The following STYX variants were observed in gnomAD, a reference collection of about 807,000 sequenced individuals.
The protein encoded by STYX is serine/threonine/tyrosine interacting protein, also known as serine/threonine/tyrosine-interacting protein.
STYX carries 20 observed loss-of-function variants against 42.7 expected under a neutral mutation model. That is an observed-to-expected ratio of 0.47 (90% confidence interval 0.33 to 0.68). The LOEUF (loss-of-function observed/expected upper bound fraction) is 0.68. Ranked by LOEUF, STYX falls within the 30% of genes least tolerant of loss-of-function variation. The pLI is 0.02. For synonymous variants in STYX, 78 were observed against 81.9 expected (o/e 0.95, Z 0.26); for missense variants, 226 against 268.5 (o/e 0.84, Z 1.11).
At chr14:52,735,333 C>A (rs1165555100) in intron 1 of STYX, among the ~76,000 whole-genome samples, 1 of 152,122 alleles carries the variant, frequency 6.6e-6, no homozygotes, top group Non-Finnish European at 1.5e-5. Context: ...CAATTTAATT[C>A]ATGTTCCCAC....
intron 9 of STYX, 21 bp from the exon 10 acceptor site, chr14:52,768,819 A>C: frequency 2.0e-6 from 3 of 1,489,514 alleles, no homozygotes; most frequent in South Asian, 1.3e-5. Context: ...AATTAAGTTA[A>C]TTAACTTATT....
chr14:52,730,283 C>T lies in STYX; in HGVS notation c.-192C>T, dbSNP rs980530554. 2 of 609,928 alleles carry T rather than the reference C, an allele frequency of 3.3e-6. No homozygotes were observed. The highest frequency in any genetic ancestry group is 1.9e-5 in the African/African-American group (1 of 53,636). 37.8% of individuals were successfully genotyped at this position (609,928 alleles called of 1,614,324 possible). On this transcript the variant is annotated 5_prime_UTR_variant, in exon 1 of 11. Transcript: ENST00000354586. ...TGTAAGACGCCCGACCCTCCTCTTC[C>T]CTGTCTTCGCCGCCGCCGCTGCTGG...
intron 1 of STYX, among the ~76,000 whole-genome samples, chr14:52,743,414 T>C (rs1881273165): frequency 6.6e-6 from 1 of 151,858 alleles, no homozygotes; most frequent in South Asian, 2.1e-4. Context: ...ACCCCGTCTC[T>C]ACTAAAAGCA....
At chr14:52,746,223 GTTCC>G (rs1226227321) in intron 2 of STYX, among the ~76,000 whole-genome samples, 199 bp from the exon 3 acceptor site, 1 of 151,644 alleles carries the variant, frequency 6.6e-6, no homozygotes, top group Non-Finnish European at 1.5e-5. Context: ...GAGCCCAGGA[GTTCC>G]TTATCAGCCT....
chr14:52,741,703 T>C (rs1213830004), intron 1 of STYX, among the ~76,000 whole-genome samples: 1 of 152,208 alleles, frequency 6.6e-6, no homozygotes, highest in East Asian at 1.9e-4. Flanking sequence ...CCCAAAGTAC[T>C]TGGTAATTTA....
intron 9 of STYX, 80 bp from the exon 10 acceptor site, chr14:52,768,760 C>T: frequency 1.1e-6 from 1 of 909,900 alleles, no homozygotes; most frequent in Non-Finnish European, 1.6e-6. Context: ...AGAATACCAA[C>T]AGTGTATACA....
chr14:52,746,372 G>A (rs1390902929), intron 2 of STYX, 54 bp from the exon 3 acceptor site: 76 of 1,361,098 alleles, frequency 5.6e-5, no homozygotes, highest in Non-Finnish European at 7.7e-5. Flanking sequence ...TATTTATATA[G>A]CCTTATAGAT....
intron 1 of STYX, among the ~76,000 whole-genome samples, chr14:52,735,187 C>T (rs1354139542): frequency 2.6e-5 from 4 of 152,196 alleles, no homozygotes; most frequent in South Asian, 2.1e-4. Flanking sequence ...TACTTTCTCT[C>T]GGAGTCTCTG....
At chr14:52,748,632 A>T (rs1258314212) in intron 3 of STYX, among the ~76,000 whole-genome samples, 2 of 152,208 alleles carry the variant, frequency 1.3e-5, no homozygotes, top group African/African-American at 2.4e-5. Context: ...TCTGAAAAGT[A>T]CAAAATCTAT....
chr14:52,747,973 C>T (rs569101371), intron 3 of STYX, among the ~76,000 whole-genome samples: 2 of 152,286 alleles, frequency 1.3e-5, no homozygotes, highest in East Asian at 1.9e-4. Flanking sequence ...GCCTGGTTGA[C>T]GGAGTGAGAC....
Position 52,756,560 on chromosome 14 carries a change from C to G in STYX, c.252C>G (p.Val84=). Residue 84 remains valine, a synonymous_variant, in exon 5 of 11, where the codon GTC becomes GTG. Transcript: ENST00000354586. ...AATACTCTATTTTCAGATATTTAGT[C>G]CTGGATATTGCAGATAATCCAGTTG... The part of the protein sequence containing the change: ...PNFQQLFRYL[V]LDIADNPVEN... 6.5e-7 allele frequency: 1 copy of G among 1,531,444 alleles called. No individual in the cohort carries two copies. The highest frequency in any genetic ancestry group is 8.9e-7 in the Non-Finnish European group (1 of 1,125,076). 94.9% of individuals were successfully genotyped at this position (1,531,444 alleles called of 1,614,324 possible).
intron 8 of STYX, among the ~76,000 whole-genome samples, chr14:52,758,795 C>T (rs770836743): frequency 2.6e-5 from 4 of 152,044 alleles, no homozygotes; most frequent in Non-Finnish European, 5.9e-5. Context: ...AGGATGGTCT[C>T]GATTTCTTGA....
chr14:52,771,051 A>C lies in STYX; in HGVS notation c.617A>C (p.His206Pro), dbSNP rs1405609780. Residue 206 changes from histidine (H) to proline (P), a missense_variant, in exon 11 of 11, where the codon CAT (histidine) becomes CCT (proline). By Grantham distance (77) the His-to-Pro change is moderately conservative (BLOSUM62 -2). Transcript: ENST00000354586. ...SGTTGSLKRT[H>P]EEEDDFGTMQ... ...CTTTTAGGCAGTTTGAAGAGAACAC[A>C]TGAAGAAGAGGATGATTTTGGAACC... 1 of 1,613,020 alleles carries C rather than the reference A, an allele frequency of 6.2e-7. No homozygotes were observed. Among genetic ancestry groups the C allele is most frequent in the Non-Finnish European group, 8.5e-7 (1 of 1,179,198 alleles).
At chr14:52,761,879 T>C (rs1243020707) in intron 9 of STYX, among the ~76,000 whole-genome samples, 1 of 150,608 alleles carries the variant, frequency 6.6e-6, no homozygotes, top group Non-Finnish European at 1.5e-5. Context: ...ACCCTGTCTC[T>C]ACTAAAATTA....
rs1485170172 is a variant in STYX at position 52,773,368 on chromosome 14, T to C, written c.*2262T>C. 1 of 149,366 alleles carries C rather than the reference T, an allele frequency of 6.7e-6. No individual in the cohort carries two copies. The highest frequency in any genetic ancestry group is 1.5e-5 in the Non-Finnish European group (1 of 67,604). The allele number at this position is 149,366 out of a possible 1,614,324, so 9.3% of individuals were successfully genotyped here. On this transcript the variant is annotated 3_prime_UTR_variant, in exon 11 of 11. Transcript: ENST00000354586. ...TTTTTTTTTTTTTTGAGACAGAGTC[T>C]CTAATGTCACCCAGGCTGGAGTACA...
intron 3 of STYX, among the ~76,000 whole-genome samples, chr14:52,747,853 A>G (rs940571429): frequency 6.6e-6 from 1 of 152,202 alleles, no homozygotes; most frequent in African/African-American, 2.4e-5. Flanking sequence ...TTAGCTGGTT[A>G]TGGTGGTACA....
At chr14:52,766,296 T>C (rs1433905511) in intron 9 of STYX, among the ~76,000 whole-genome samples, 1 of 152,056 alleles carries the variant, frequency 6.6e-6, no homozygotes, top group Admixed American at 6.6e-5. Flanking sequence ...TCTCCCAAGT[T>C]GCCAGGATTA....
intron 3 of STYX, among the ~76,000 whole-genome samples, chr14:52,747,080 C>T (rs912023476): frequency 6.6e-6 from 1 of 152,148 alleles, no homozygotes; most frequent in African/African-American, 2.4e-5. Context: ...GCAAAACAAA[C>T]AAATCCAAAC....
chr14:52,753,485 C>G (rs539848117), intron 4 of STYX, among the ~76,000 whole-genome samples: 7 of 152,104 alleles, frequency 4.6e-5, no homozygotes, highest in Non-Finnish European at 1.0e-4. Context: ...TACGCTCAGC[C>G]GAGGGACATA....
Sources: allele counts gnomAD v4.1 joint callset (sites outside exome capture counted in the v4.1 genomes callset), GRCh38; gene constraint gnomAD v4.1.1; transcripts MANE v1.5; gene names NCBI Gene and HGNC (gene_info 2026-07-23, HGNC 2026-07-21).